Variants in RBFOX1 observed in about 807,000 individuals in gnomAD.
RBFOX1 encodes RNA binding fox-1 homolog 1, also known as RNA binding protein fox-1 homolog 1.
RBFOX1 carries 8 observed loss-of-function variants against 57.7 expected under a neutral mutation model. That is an observed-to-expected ratio of 0.14 (90% CI 0.08 to 0.25). RBFOX1 has a LOEUF of 0.25. Among genes scored for constraint, RBFOX1 ranks in the 10% least tolerant of loss-of-function variants. The pLI, the probability that RBFOX1 is intolerant of heterozygous loss-of-function variation, is 1.00. For missense variants in RBFOX1, 611 were observed against 548.5 expected, an observed-to-expected ratio of 1.11 and a Z score of -1.14; for synonymous variants, 326 against 222.4, an observed-to-expected ratio of 1.47 and a Z score of -4.15.
intron 3 of RBFOX1, among the ~76,000 whole-genome samples, chr16:6,863,504 C>T (rs961474738): frequency 6.6e-6 from 1 of 151,974 alleles, no homozygotes; most frequent in Non-Finnish European, 1.5e-5. Flanking sequence ...GAACACATAG[C>T]AGGAACTGTG....
intron 4 of RBFOX1, among the ~76,000 whole-genome samples, chr16:7,371,835 C>T (rs1339927113): frequency 6.6e-6 from 1 of 152,162 alleles, no homozygotes; most frequent in Non-Finnish European, 1.5e-5. Context: ...ACAAAAAAAG[C>T]CACATCAGTC....
chr16:6,132,276 G>T (rs879435257), intron 1 of RBFOX1, among the ~76,000 whole-genome samples: 3 of 151,830 alleles, frequency 2.0e-5, no homozygotes, highest in South Asian at 4.2e-4. Context: ...CCCCCTGGCA[G>T]TTAGGTGGAG....
rs545422003 is a variant in RBFOX1, at chr16:7,022,401, A to G, written c.-15-29656A>G. On this transcript the variant is annotated intron_variant, in intron 3 of 15. Transcript: ENST00000550418. The stretch of plus-strand genomic sequence containing the variant: ...GATGGTAGAGCTGGGATTCGAAGTC[A>G]GGTCTGCTTAAACCCAGAGCATATC... Among the ~76,000 whole-genome samples, 472 of 152,060 alleles carry G rather than the reference A, an allele frequency of 3.1e-3. 4 individuals are homozygous for G. The highest frequency in any genetic ancestry group is 7.3e-3 in the South Asian group (35 of 4,816).
intron 3 of RBFOX1, among the ~76,000 whole-genome samples, chr16:6,834,748 G>C (rs2092961802): frequency 6.6e-6 from 1 of 152,140 alleles, no homozygotes; most frequent in Non-Finnish European, 1.5e-5. Flanking sequence ...GACTGCTCGT[G>C]AGACAGTTGC....
At chr16:7,014,791 C>G (rs932972965) in intron 3 of RBFOX1, among the ~76,000 whole-genome samples, 7 of 152,100 alleles carry the variant, frequency 4.6e-5, no homozygotes, top group African/African-American at 1.7e-4. Flanking sequence ...GTGGCACTGT[C>G]TCGGCTCACT....
At chr16:5,532,955 T>C (rs2044547225) in intron 2 of RBFOX1, among the ~76,000 whole-genome samples, 1 of 152,218 alleles carries the variant, frequency 6.6e-6, no homozygotes, top group Admixed American at 6.5e-5. Flanking sequence ...CCTACATCTT[T>C]ATGGTAATGC....
At chr16:5,652,576 C>G (rs1269904894) in intron 3 of RBFOX1, among the ~76,000 whole-genome samples, 1 of 152,196 alleles carries the variant, frequency 6.6e-6, no homozygotes. Context: ...CCATCCAGAC[C>G]TCCACTCCAG....
chr16:6,515,945 T>C (rs2096368798), intron 2 of RBFOX1, among the ~76,000 whole-genome samples: 1 of 152,230 alleles, frequency 6.6e-6, no homozygotes, highest in Non-Finnish European at 1.5e-5. Flanking sequence ...CCTGTATTTT[T>C]TTAGGTACTG....
At chr16:7,010,590 C>G (rs373307534) in intron 3 of RBFOX1, among the ~76,000 whole-genome samples, 1 of 151,822 alleles carries the variant, frequency 6.6e-6, no homozygotes, top group African/African-American at 2.4e-5. Context: ...TTCTCTGTCA[C>G]CCAGGCTAGA....
intron 2 of RBFOX1, among the ~76,000 whole-genome samples, chr16:5,538,752 G>C (rs373191936): frequency 6.6e-6 from 1 of 151,708 alleles, no homozygotes; most frequent in Non-Finnish European, 1.5e-5. Context: ...TTAGACTCCC[G>C]AGTAGCTGGG....
At chr16:5,385,681 G>C (rs1455312248) in intron 1 of RBFOX1, among the ~76,000 whole-genome samples, 1 of 152,114 alleles carries the variant, frequency 6.6e-6, no homozygotes, top group East Asian at 1.9e-4. Context: ...GTAAGTTTCA[G>C]CTTCTCCCTG....
chr16:6,067,652 C>T (rs1213220546), intron 1 of RBFOX1, among the ~76,000 whole-genome samples: 1 of 152,174 alleles, frequency 6.6e-6, no homozygotes, highest in East Asian at 1.9e-4. Flanking sequence ...AGAAATCTTT[C>T]TCCATAGAAG....
At chr16:7,671,025 G>C (rs749628167) in intron 13 of RBFOX1, among the ~76,000 whole-genome samples, 13 of 152,252 alleles carry the variant, frequency 8.5e-5, no homozygotes, top group Admixed American at 6.5e-4. Flanking sequence ...GTATTAAAAG[G>C]AGCCATCGTA....
chr16:7,658,953 G>A (rs1303992618), intron 12 of RBFOX1, among the ~76,000 whole-genome samples: 2 of 152,188 alleles, frequency 1.3e-5, no homozygotes, highest in Non-Finnish European at 2.9e-5. Context: ...TCAAACTCCT[G>A]ACCTCAAGTG....
chr16:6,664,904 C>G (rs2098722584), intron 3 of RBFOX1, among the ~76,000 whole-genome samples: 1 of 152,216 alleles, frequency 6.6e-6, no homozygotes, highest in African/African-American at 2.4e-5. Flanking sequence ...ACATTCCTGT[C>G]TGTCCACAGC....
intron 11 of RBFOX1, among the ~76,000 whole-genome samples, chr16:7,641,223 G>A (rs994749743): frequency 6.6e-6 from 1 of 152,302 alleles, no homozygotes; most frequent in East Asian, 1.9e-4. Context: ...GGTGGCTGCT[G>A]CTTCTTCCCT....
chr16:7,487,018 G>C (rs2065586888), intron 4 of RBFOX1, among the ~76,000 whole-genome samples: 1 of 152,122 alleles, frequency 6.6e-6, no homozygotes, highest in African/African-American at 2.4e-5. Flanking sequence ...TCCTGTCTCA[G>C]CCTCCCGAGT....
Position 7,456,819 on chromosome 16 carries a change from C to A in RBFOX1, c.28-61328C>A, listed in dbSNP as rs543926749. ...CCAAGCCTTCTATTCAAGCCCTGAG[C>A]CCTGGAGCAGGGCTGTATCAGCTTG... On this transcript the variant is annotated intron_variant, in intron 4 of 15. Coordinates refer to ENST00000550418, the MANE Select transcript of RBFOX1 (RefSeq NM_018723.4). Among the ~76,000 whole-genome samples, 15 of 152,254 alleles carry A rather than the reference C, an allele frequency of 9.9e-5. No homozygotes were observed. In the South Asian group the frequency reaches 3.1e-3, roughly 32 times the overall value.
At chr16:7,141,296 A>T (rs973062320) in intron 4 of RBFOX1, among the ~76,000 whole-genome samples, 5 of 152,168 alleles carry the variant, frequency 3.3e-5, no homozygotes, top group Non-Finnish European at 7.3e-5. Context: ...ATATTTATTC[A>T]TTATTCACCC....
Sources: gnomAD v4.1 joint callset for allele counts (sites outside exome capture counted in the v4.1 genomes callset) on GRCh38, gnomAD v4.1.1 for gene constraint, MANE v1.5 for transcripts, NCBI Gene and HGNC (gene_info 2026-07-23, HGNC 2026-07-21) for gene names.